The following HEATR4 variants were observed in gnomAD, a reference collection of about 807,000 sequenced individuals.
The protein encoded by HEATR4 is HEAT repeat containing 4.
In HEATR4, 95 loss-of-function variants were observed where a neutral mutation model predicts 108.8. The ratio of observed to expected loss-of-function variants is 0.87; its 90% CI spans 0.74 to 1.04. HEATR4 has a LOEUF of 1.04. Among genes scored for constraint, HEATR4 ranks in the 50% least tolerant of loss-of-function variants. The pLI is 0.00. For synonymous variants in HEATR4, 443 were observed against 459.4 expected, an observed-to-expected ratio of 0.96 and a Z score of 0.46; for missense variants, 1,152 against 1,253.8, an observed-to-expected ratio of 0.92 and a Z score of 1.23.
the HEATR4 span, among the ~76,000 whole-genome samples, chr14:73,606,658 G>T: frequency 2.6e-5 from 4 of 152,152 alleles, no homozygotes; most frequent in Admixed American, 6.6e-5. Flanking sequence ...AACCTCCCAG[G>T]TGCACAGAGA....
At chr14:73,570,677 G>A in the HEATR4 span, among the ~76,000 whole-genome samples, 23 of 151,982 alleles carry the variant, frequency 1.5e-4, no homozygotes, top group Non-Finnish European at 3.1e-4. Context: ...GGCCGAGGCC[G>A]GCGGATCACC....
the HEATR4 span, chr14:73,620,036 C>T: frequency 2.6e-5 from 14 of 547,252 alleles, no homozygotes; most frequent in Non-Finnish European, 3.7e-5. Flanking sequence ...CTCAGACTCC[C>T]GAGTATCTGG....
intron 17 of HEATR4, 91 bp from the exon 18 acceptor site, chr14:73,478,933 T>G: frequency 1.1e-6 from 1 of 922,250 alleles, no homozygotes; most frequent in Non-Finnish European, 1.6e-6. Context: ...GGCTATAGGG[T>G]GTCTCCTTTT....
intron 2 of HEATR4, among the ~76,000 whole-genome samples, chr14:73,524,221 TG>T (rs1888158340): frequency 7.4e-6 from 1 of 134,552 alleles, no homozygotes; most frequent in South Asian, 2.4e-4. Flanking sequence ...GAACCCAGGG[TG>T]GGGGAGATTG....
chr14:73,507,261 C>G (rs893735594), intron 9 of HEATR4, among the ~76,000 whole-genome samples: 4 of 152,150 alleles, frequency 2.6e-5, no homozygotes, highest in Admixed American at 2.6e-4. Flanking sequence ...CAGAACTCTT[C>G]TTGCATATGC....
the HEATR4 span, among the ~76,000 whole-genome samples, chr14:73,621,010 C>G: frequency 6.6e-6 from 1 of 151,888 alleles, no homozygotes; most frequent in Non-Finnish European, 1.5e-5. Context: ...TTGAGACCAG[C>G]CTGGCCAACA....
chr14:73,590,753 C>T, the HEATR4 span, among the ~76,000 whole-genome samples: 35 of 151,884 alleles, frequency 2.3e-4, no homozygotes, highest in Admixed American at 2.0e-3. Context: ...AGCCCACGCC[C>T]ACCCGGGACT....
chr14:73,621,234 C>T, the HEATR4 span, among the ~76,000 whole-genome samples: 6 of 151,620 alleles, frequency 4.0e-5, no homozygotes, highest in African/African-American at 9.7e-5. Flanking sequence ...TGTCTCTGAA[C>T]GCCAGTCTGA....
At chr14:73,489,981 C>T (rs1486668960) in intron 17 of HEATR4, among the ~76,000 whole-genome samples, 2 of 151,994 alleles carry the variant, frequency 1.3e-5, no homozygotes, top group Non-Finnish European at 2.9e-5. Flanking sequence ...AAGAAGAATT[C>T]TGCACTTTTT....
At chr14:73,502,246 A>T (rs993912728) in intron 11 of HEATR4, among the ~76,000 whole-genome samples, 1 of 151,930 alleles carries the variant, frequency 6.6e-6, no homozygotes, top group Admixed American at 6.6e-5. Context: ...TCCTCTAGCC[A>T]CGCTGAGTAT....
chr14:73,605,345 G>A, the HEATR4 span, among the ~76,000 whole-genome samples: 1 of 152,118 alleles, frequency 6.6e-6, no homozygotes, highest in Admixed American at 6.6e-5. Flanking sequence ...ACTCCACCTT[G>A]CTTCTAACCT....
intron 17 of HEATR4, among the ~76,000 whole-genome samples, chr14:73,486,554 C>T (rs753085504): frequency 9.2e-5 from 14 of 151,852 alleles, no homozygotes; most frequent in Non-Finnish European, 1.6e-4. Context: ...AAAAATTAGC[C>T]GGGTGTGGTG....
At chr14:73,591,238 C>G in the HEATR4 span, among the ~76,000 whole-genome samples, 1 of 151,018 alleles carries the variant, frequency 6.6e-6, no homozygotes, top group South Asian at 2.1e-4. Context: ...CAGAGAGAGA[C>G]CCTGTCTCAA....
At chr14:73,594,050 A>C in the HEATR4 span, 2 of 566,388 alleles carry the variant, frequency 3.5e-6, no homozygotes, top group Non-Finnish European at 5.8e-6. Flanking sequence ...TGCTATTTCC[A>C]CTTTTTCTGT....
chr14:73,581,479 G>GT, the HEATR4 span: 1 of 151,892 alleles, frequency 6.6e-6, no homozygotes, highest in Non-Finnish European at 1.5e-5. Flanking sequence ...GTGTGTGTGT[G>GT]TATCTCAGGG....
rs1215789910 is a variant in HEATR4 at position 73,552,692 on chromosome 14, AT to A, written c.-152+6058del. On this transcript the variant is annotated intron_variant, in intron 1 of 17. Transcript: ENST00000553558. Reference sequence around the variant, plus strand: ...TGTCAACCCCAACTTAGACCAGTGCATCCCACAGCTATTCTAGCACCCCATA... The same window carrying A: ...TGTCAACCCCAACTTAGACCAGTGCACCCACAGCTATTCTAGCACCCCATA... Among the ~76,000 whole-genome samples, 41 of 109,958 alleles carry A rather than the reference AT, an allele frequency of 3.7e-4. 2 individuals carry two copies. The highest frequency in any genetic ancestry group is 1.4e-3 in the African/African-American group (40 of 28,722). The allele number at this position is 109,958 out of a possible 152,430, so 72.1% of individuals were successfully genotyped here. A position where few individuals can be genotyped will look rare whatever the true frequency, so the allele number is the denominator to read the frequency against.
the HEATR4 span, among the ~76,000 whole-genome samples, chr14:73,575,841 A>C: frequency 2.6e-5 from 4 of 151,980 alleles, no homozygotes; most frequent in Admixed American, 6.6e-5. Flanking sequence ...AATGGAGTTC[A>C]ATAATTATTT....
In HEATR4 at chr14:73,498,172, G is replaced by A. The variant is rs1479553851; in HGVS notation, c.2529C>T (p.Asn843=). The A allele has an allele frequency of 6.2e-7, 1 of 1,612,176 alleles. No individual in the cohort carries two copies. Among genetic ancestry groups the A allele is most frequent in the South Asian group, 1.1e-5 (1 of 91,040 alleles). Residue 843 remains asparagine, a synonymous_variant, in exon 14 of 18, where the codon AAC becomes AAT. Coordinates refer to ENST00000553558, the MANE Select transcript of HEATR4 (RefSeq NM_001220484.1). The part of the protein sequence containing the change: ...DTFLDVLLLE[N]HDAVLKEMYQ... ...GTGCTTACTTTAGAACAGCATCGTG[G>A]TTCTCCAGGAGCAGCACGTCTAGGA...
chr14:73,505,014 C>T (rs1016231071), intron 10 of HEATR4, among the ~76,000 whole-genome samples: 7 of 152,038 alleles, frequency 4.6e-5, no homozygotes, highest in East Asian at 1.9e-4. Context: ...TCACTGAAAC[C>T]GCCGCCTCCC....
Sources: gnomAD v4.1 joint callset for allele counts (sites outside exome capture counted in the v4.1 genomes callset) on GRCh38, gnomAD v4.1.1 for gene constraint, MANE v1.5 for transcripts, NCBI Gene and HGNC (gene_info 2026-07-23, HGNC 2026-07-21) for gene names.